SORCS1: variants seen among roughly 807,000 people sequenced by gnomAD.
SORCS1 encodes sortilin related VPS10 domain containing receptor 1.
Under a neutral mutation model 146.1 loss-of-function variants are expected in SORCS1, and 60 were observed. The observed-to-expected ratio is 0.41, with a 90% CI of 0.33 to 0.51. The LOEUF is 0.51. Ranked by LOEUF, SORCS1 falls within the 20% of genes least tolerant of loss-of-function variation. The pLI is 0.21. For synonymous variants in SORCS1, 637 were observed against 584.0 expected, an observed-to-expected ratio of 1.09 and a Z score of -1.31; for missense variants, 1,352 against 1,487.6, an observed-to-expected ratio of 0.91 and a Z score of 1.50.
At chr10:106,996,522 C>A (rs1957013344) in intron 1 of SORCS1, among the ~76,000 whole-genome samples, 1 of 152,074 alleles carries the variant, frequency 6.6e-6, no homozygotes, top group South Asian at 2.1e-4. Flanking sequence ...CAACCTTGGC[C>A]CCTAGGATCC....
intron 18 of SORCS1, among the ~76,000 whole-genome samples, chr10:106,631,640 A>G (rs1336900168): frequency 6.6e-6 from 1 of 152,208 alleles, no homozygotes; most frequent in Admixed American, 6.5e-5. Context: ...CTTTGTGGTG[A>G]CAGAGTGAGC....
intron 2 of SORCS1, among the ~76,000 whole-genome samples, chr10:106,947,063 T>C (rs1238481312): frequency 6.6e-6 from 1 of 152,182 alleles, no homozygotes. Flanking sequence ...TCACCATCAC[T>C]TGTGGTCAGG....
At chr10:106,934,336 C>A (rs192406683) in intron 2 of SORCS1, among the ~76,000 whole-genome samples, 1 of 151,898 alleles carries the variant, frequency 6.6e-6, no homozygotes, top group Non-Finnish European at 1.5e-5. Flanking sequence ...CAGATCACTG[C>A]GAGCTCGGTC....
intron 1 of SORCS1, among the ~76,000 whole-genome samples, chr10:107,104,021 G>T (rs1256976903): frequency 6.6e-6 from 1 of 152,138 alleles, no homozygotes; most frequent in African/African-American, 2.4e-5. Flanking sequence ...AACCTTTTTG[G>T]ACACAAATGA....
intron 22 of SORCS1, among the ~76,000 whole-genome samples, chr10:106,610,987 G>A (rs1589466476): frequency 6.6e-6 from 1 of 152,126 alleles, no homozygotes; most frequent in Non-Finnish European, 1.5e-5. Flanking sequence ...GGCTAAGGTG[G>A]GAGAATCGCT....
At position 107,026,358 on chromosome 10, in the gene SORCS1, G is replaced by A. The variant is rs554779905; in HGVS notation, c.559-69778C>T. Among the ~76,000 whole-genome samples the A allele has an allele frequency of 2.3e-4, 35 of 152,266 alleles. 1 individual carries two copies. In the South Asian group the frequency reaches 6.6e-3, roughly 29 times the overall value. On this transcript the variant is annotated intron_variant, in intron 1 of 25. Coordinates refer to ENST00000263054, the MANE Select transcript of SORCS1 (RefSeq NM_052918.5). ...GTTTTGGCCGGGCATGGTGGCTCACGCCTGTAACCCTAGTACTTTGGGAGG... is the reference window on the plus strand; with the variant it reads ...GTTTTGGCCGGGCATGGTGGCTCACACCTGTAACCCTAGTACTTTGGGAGG...
chr10:107,155,578 A>G (rs983624119), intron 1 of SORCS1, among the ~76,000 whole-genome samples: 4 of 152,192 alleles, frequency 2.6e-5, no homozygotes, highest in Admixed American at 2.6e-4. Context: ...CAGGGTGCTG[A>G]ATGTGCCCAA....
At chr10:106,817,257 T>C (rs1371184595) in intron 3 of SORCS1, among the ~76,000 whole-genome samples, 1 of 152,210 alleles carries the variant, frequency 6.6e-6, no homozygotes, top group African/African-American at 2.4e-5. Context: ...TTGGATGGGT[T>C]TGGCTCCTAA....
chr10:106,976,709 A>G lies in SORCS1; in HGVS notation c.559-20129T>C, dbSNP rs138431087. Among the ~76,000 whole-genome samples the G allele has an allele frequency of 5.6e-3, 851 of 151,760 alleles. 5 individuals carry two copies. The highest frequency in any genetic ancestry group is 0.034 in the Middle Eastern group (10 of 294). ...TCCTTCCCCTTGCCTCTCACCCCCA[A>G]TTGGCTCCGGTGTGTGTTGTTCCCC... On this transcript the variant is annotated intron_variant, in intron 1 of 25. Transcript: ENST00000263054.
intron 19 of SORCS1, among the ~76,000 whole-genome samples, chr10:106,624,470 C>T (rs573021405): frequency 4.7e-4 from 70 of 148,292 alleles, no homozygotes; most frequent in Middle Eastern, 3.5e-3. Flanking sequence ...AAGTGATACC[C>T]CTGCTTCATC....
chr10:106,651,335 G>A (rs565186767), intron 18 of SORCS1, among the ~76,000 whole-genome samples: 2 of 152,192 alleles, frequency 1.3e-5, no homozygotes, highest in South Asian at 4.2e-4. Context: ...CTATACCCCA[G>A]CCTTGCCACT....
intron 1 of SORCS1, among the ~76,000 whole-genome samples, chr10:107,124,878 T>C (rs1306384004): frequency 6.6e-6 from 1 of 151,902 alleles, no homozygotes; most frequent in Admixed American, 6.6e-5. Flanking sequence ...GTCAGCAAAA[T>C]GCAATTGTGG....
upstream of SORCS1, among the ~76,000 whole-genome samples, chr10:107,165,411 T>C (rs1392396793): frequency 6.6e-6 from 1 of 152,080 alleles, no homozygotes; most frequent in Non-Finnish European, 1.5e-5. This position sits in a 1 kb window ranked among gnomAD's most constrained non-coding sequence, Gnocchi z 4.0. Flanking sequence ...GAACCCAATC[T>C]TCCTGCATGC....
At chr10:106,996,225 TAAAAAAAAA>T (rs376245294) in intron 1 of SORCS1, among the ~76,000 whole-genome samples, 8 of 99,672 alleles carry the variant, frequency 8.0e-5, no homozygotes, top group East Asian at 3.2e-4. Context: ...AGACTCCATC[TAAAAAAAAA>T]AAAAAAAAAA....
chr10:106,860,045 T>C (rs1949951534), intron 2 of SORCS1, among the ~76,000 whole-genome samples: 1 of 152,176 alleles, frequency 6.6e-6, no homozygotes, highest in African/African-American at 2.4e-5. Flanking sequence ...TTTGGAGGGT[T>C]TGGGAGCAAG....
At chr10:107,153,914 C>T (rs755206711) in intron 1 of SORCS1, among the ~76,000 whole-genome samples, 22 of 151,288 alleles carry the variant, frequency 1.5e-4, no homozygotes, top group Middle Eastern at 6.8e-3. Flanking sequence ...TCCTTTCCTG[C>T]TTTTTTTCCC....
chr10:107,132,959 C>A (rs1443763424), intron 1 of SORCS1, among the ~76,000 whole-genome samples: 1 of 152,174 alleles, frequency 6.6e-6, no homozygotes, highest in Non-Finnish European at 1.5e-5. Flanking sequence ...AGAGTCAGAG[C>A]AATTTTGTTT....
intron 1 of SORCS1, among the ~76,000 whole-genome samples, chr10:107,082,020 T>C (rs1457570644): frequency 6.6e-6 from 1 of 152,258 alleles, no homozygotes; most frequent in Non-Finnish European, 1.5e-5. Flanking sequence ...AAAGAGACAG[T>C]GGCAGTTTCC....
chr10:106,655,269 G>A (rs538567925), intron 17 of SORCS1, among the ~76,000 whole-genome samples: 7 of 152,144 alleles, frequency 4.6e-5, no homozygotes, highest in Non-Finnish European at 8.8e-5. Context: ...TGCAGACACT[G>A]GTGTATGATA....
Sources: gnomAD v4.1 joint callset for allele counts (sites outside exome capture counted in the v4.1 genomes callset) on GRCh38, gnomAD v4.1.1 for gene constraint, Gnocchi (gnomAD v3.1) non-coding constraint, MANE v1.5 for transcripts, NCBI Gene and HGNC (gene_info 2026-07-23, HGNC 2026-07-21) for gene names.